The following PSD3 variants were observed in gnomAD, a reference collection of about 807,000 sequenced individuals.
The protein encoded by PSD3 is PH and SEC7 domain-containing protein 3.
PSD3 carries 49 observed loss-of-function variants against 105.5 expected under a neutral mutation model. The observed-to-expected ratio is 0.46, with a 90% CI of 0.37 to 0.59. PSD3 has a LOEUF of 0.59. Ranked by LOEUF, PSD3 falls within the 20% of genes least tolerant of loss-of-function variation. The probability of loss-of-function intolerance (pLI) is 0.00; values close to 1 mark genes in which losing one functional copy is unlikely to be tolerated. For synonymous variants in PSD3, 557 were observed against 457.8 expected (o/e 1.22, Z -2.77); for missense variants, 1,561 against 1,263.8 (o/e 1.24, Z -3.57).
intron 1 of PSD3, among the ~76,000 whole-genome samples, chr8:19,074,292 C>G (rs987877544): frequency 6.6e-6 from 1 of 152,034 alleles, no homozygotes; most frequent in East Asian, 1.9e-4. Context: ...TGCAGGGTGG[C>G]CTTATTCAGT....
intron 1 of PSD3, among the ~76,000 whole-genome samples, chr8:18,988,101 A>C (rs999280838): frequency 8.1e-6 from 1 of 122,864 alleles, no homozygotes; most frequent in African/African-American, 2.6e-5. Flanking sequence ...TAGAAAAAAT[A>C]AATAAATAAA....
chr8:19,067,109 G>C (rs1829098453), intron 1 of PSD3, among the ~76,000 whole-genome samples: 1 of 152,058 alleles, frequency 6.6e-6, no homozygotes, highest in Non-Finnish European at 1.5e-5. Context: ...GAGTTCTTTG[G>C]GCAGACTGTC....
intron 8 of PSD3, among the ~76,000 whole-genome samples, chr8:18,785,941 C>G (rs187599947): frequency 6.6e-6 from 1 of 152,214 alleles, no homozygotes; most frequent in South Asian, 2.1e-4. Flanking sequence ...AAAAATGGCA[C>G]TGATAAGACT....
At chr8:18,742,068 A>G (rs1434985429) in intron 9 of PSD3, among the ~76,000 whole-genome samples, 1 of 152,202 alleles carries the variant, frequency 6.6e-6, no homozygotes, top group Admixed American at 6.5e-5. Flanking sequence ...ATCCTTGGAA[A>G]GCTTTGGTGA....
chr8:18,770,916 T>A (rs1287160213), intron 8 of PSD3, among the ~76,000 whole-genome samples: 2 of 152,152 alleles, frequency 1.3e-5, no homozygotes, highest in Non-Finnish European at 2.9e-5. Context: ...GGATGGTAAA[T>A]GCAGGAAATT....
intron 9 of PSD3, among the ~76,000 whole-genome samples, chr8:18,656,249 G>T (rs1808884521): frequency 6.6e-6 from 1 of 151,840 alleles, no homozygotes; most frequent in African/African-American, 2.4e-5. Context: ...GTAGAGACGG[G>T]GTTTCACCAT....
chr8:18,807,138 C>T (rs1190650876), intron 4 of PSD3, among the ~76,000 whole-genome samples: 1 of 152,182 alleles, frequency 6.6e-6, no homozygotes, highest in Non-Finnish European at 1.5e-5. Context: ...AAAATAAATG[C>T]ATTTCTAAGC....
chr8:18,861,417 A>G (rs1218301193), intron 4 of PSD3, among the ~76,000 whole-genome samples: 1 of 152,132 alleles, frequency 6.6e-6, no homozygotes, highest in East Asian at 1.9e-4. Flanking sequence ...TGCAAGTCTT[A>G]CATCTAAAAG....
intron 1 of PSD3, among the ~76,000 whole-genome samples, chr8:18,957,016 A>G (rs946016671): frequency 3.7e-4 from 56 of 152,138 alleles, no homozygotes; most frequent in African/African-American, 1.3e-3. Context: ...TTAACTACTT[A>G]TTCAGTAAGC....
chr8:18,711,352 G>C lies in PSD3; in HGVS notation c.2172+54097C>G, dbSNP rs186999837. On this transcript the variant is annotated intron_variant, in intron 9 of 15. Coordinates refer to ENST00000327040, the MANE Select transcript of PSD3 (RefSeq NM_015310.4). ...AAAAGACACAGAATGGAAAGCTGGA[G>C]AAAGAGTCAAAACCCATTGCTGTGC... is the stretch of plus-strand genomic sequence containing the variant. Among the ~76,000 whole-genome samples the C allele has an allele frequency of 1.7e-3, 264 of 152,304 alleles. 1 individual carries two copies. The highest frequency in any genetic ancestry group is 3.1e-3 in the Non-Finnish European group (212 of 68,026).
At chr8:18,863,679 G>A (rs547607197) in intron 4 of PSD3, among the ~76,000 whole-genome samples, 1 of 152,250 alleles carries the variant, frequency 6.6e-6, no homozygotes, top group East Asian at 1.9e-4. Flanking sequence ...GATTTTAAGA[G>A]GCTTTTCACC....
chr8:18,735,210 A>G (rs544943039), intron 9 of PSD3, among the ~76,000 whole-genome samples: 8 of 152,300 alleles, frequency 5.3e-5, no homozygotes, highest in Admixed American at 2.0e-4. Flanking sequence ...AAAACACTTT[A>G]TAGAGATAAG....
intron 1 of PSD3, among the ~76,000 whole-genome samples, chr8:18,954,476 C>T (rs1027001458): frequency 1.3e-5 from 2 of 152,118 alleles, no homozygotes; most frequent in African/African-American, 2.4e-5. Flanking sequence ...TCAAATCTGG[C>T]TAAAATTTTC....
chr8:18,546,872 T>G (rs1004184084), intron 15 of PSD3, among the ~76,000 whole-genome samples: 3 of 152,196 alleles, frequency 2.0e-5, no homozygotes, highest in Admixed American at 6.5e-5. Flanking sequence ...CACATATAAG[T>G]TGCACAGGCT....
chr8:18,795,342 T>C (rs955770210), intron 8 of PSD3, among the ~76,000 whole-genome samples: 4 of 152,196 alleles, frequency 2.6e-5, no homozygotes, highest in African/African-American at 9.6e-5. Context: ...GAGCTACCTC[T>C]AAGAACCACA....
At chr8:18,709,878 G>T (rs2129421209) in intron 9 of PSD3, among the ~76,000 whole-genome samples, 1 of 152,272 alleles carries the variant, frequency 6.6e-6, no homozygotes, top group African/African-American at 2.4e-5. Context: ...AGCTCACAAA[G>T]ATTAGAAAGA....
chr8:18,783,276 T>C (rs1258805195), intron 8 of PSD3, among the ~76,000 whole-genome samples: 1 of 152,212 alleles, frequency 6.6e-6, no homozygotes, highest in East Asian at 1.9e-4. Context: ...CAATATTCAC[T>C]TACAGTAGTT....
At chr8:18,538,075 T>A (rs939406314) in intron 15 of PSD3, among the ~76,000 whole-genome samples, 22 of 152,192 alleles carry the variant, frequency 1.4e-4, no homozygotes, top group African/African-American at 4.3e-4. Flanking sequence ...GACAACATGC[T>A]GCACCTGAGG....
At chr8:18,766,139 G>A (rs957751200) in intron 8 of PSD3, among the ~76,000 whole-genome samples, 1 of 152,056 alleles carries the variant, frequency 6.6e-6, no homozygotes, top group African/African-American at 2.4e-5. Flanking sequence ...TTTGAGACCA[G>A]CCTGGCCAAC....
Sources: allele counts gnomAD v4.1 joint callset (sites outside exome capture counted in the v4.1 genomes callset), GRCh38; gene constraint gnomAD v4.1.1; transcripts MANE v1.5; gene names NCBI Gene and HGNC (gene_info 2026-07-23, HGNC 2026-07-21).